The following PDS5A variants were observed in gnomAD, a reference collection of about 807,000 sequenced individuals.
PDS5A encodes the protein sister chromatid cohesion protein PDS5 homolog A.
In PDS5A, 42 loss-of-function variants were observed where a neutral mutation model predicts 167.1. The ratio of observed to expected loss-of-function variants is 0.25; its 90% confidence interval spans 0.20 to 0.33. The LOEUF is 0.33. Ranked by LOEUF, PDS5A falls within the 10% of genes least tolerant of loss-of-function variation. PDS5A has a pLI of 1.00. For synonymous variants in PDS5A, 553 were observed against 554.6 expected, an observed-to-expected ratio of 1.00 and a Z score of 0.04; for missense variants, 1,033 against 1,605.9, an observed-to-expected ratio of 0.64 and a Z score of 6.10.
Position 39,858,340 on chromosome 4 carries a change from G to C in PDS5A, c.3086+3879C>G, listed in dbSNP as rs1012541661. On this transcript the variant is annotated intron_variant, in intron 26 of 32. Coordinates refer to ENST00000303538, the MANE Select transcript of PDS5A (RefSeq NM_001100399.2). ...TTATTATAAAGTTACAGTAATGACA[G>C]AGTTACATGGCATAAGGCCAGACAT... Among the ~76,000 whole-genome samples the C allele has an allele frequency of 2.0e-5, 3 of 152,214 alleles. No homozygotes were observed. In the East Asian group the frequency reaches 5.8e-4, roughly 29 times the overall value.
At chr4:39,923,745 AC>A (rs1725227758) in intron 5 of PDS5A, among the ~76,000 whole-genome samples, 2 of 152,106 alleles carry the variant, frequency 1.3e-5, no homozygotes, top group African/African-American at 4.8e-5. Context: ...TTTTAAGGAA[AC>A]AAACAAAAAA....
intron 2 of PDS5A, among the ~76,000 whole-genome samples, chr4:39,938,216 G>A (rs1459745219): frequency 2.0e-5 from 3 of 152,164 alleles, no homozygotes; most frequent in Admixed American, 1.3e-4. Flanking sequence ...GGAGGGGGCT[G>A]CCCAGTTTGT....
chr4:39,953,286 G>A (rs1728586199), intron 2 of PDS5A, among the ~76,000 whole-genome samples: 2 of 152,138 alleles, frequency 1.3e-5, no homozygotes, highest in Non-Finnish European at 2.9e-5. Flanking sequence ...CAGTTTCACC[G>A]TGGCTGGGGT....
chr4:39,874,642 A>G (rs1414668899), intron 19 of PDS5A, among the ~76,000 whole-genome samples: 1 of 152,214 alleles, frequency 6.6e-6, no homozygotes, highest in Non-Finnish European at 1.5e-5. Context: ...TTTTTATTTT[A>G]AAGTTACCTC....
intron 4 of PDS5A, among the ~76,000 whole-genome samples, chr4:39,926,336 T>G (rs1193361590): frequency 6.6e-6 from 1 of 152,012 alleles, no homozygotes; most frequent in African/African-American, 2.4e-5. Context: ...AGCCTCAACA[T>G]GGAGAAACCC....
At chr4:39,972,794 T>C (rs1296032247) in intron 2 of PDS5A, among the ~76,000 whole-genome samples, 2 of 152,110 alleles carry the variant, frequency 1.3e-5, no homozygotes, top group Non-Finnish European at 2.9e-5. Context: ...TATTTTGAGC[T>C]ATTCCACAGT....
At chr4:39,889,037 T>C (rs1029057879) in intron 17 of PDS5A, among the ~76,000 whole-genome samples, 2 of 152,230 alleles carry the variant, frequency 1.3e-5, no homozygotes, top group African/African-American at 4.8e-5. Flanking sequence ...GGCTGACATG[T>C]GTTTCTCCCA....
In PDS5A at chr4:39,920,606, C is replaced by T. The variant is rs1177232726; in HGVS notation, c.655-207G>A. Reference sequence around the variant, plus strand: ...GATCTTAAATGCAGACGTTGCAAATCGAACTAATTTATTAATCAAAAACTA... The same window carrying T: ...GATCTTAAATGCAGACGTTGCAAATTGAACTAATTTATTAATCAAAAACTA... On this transcript the variant is annotated intron_variant, in intron 6 of 32. Transcript: ENST00000303538. 9.9e-5 allele frequency among the ~76,000 whole-genome samples: 15 copies of T among 152,132 alleles called. No homozygotes were observed. The East Asian group carries it at 1.5e-3, about 16-fold the overall frequency.
Position 39,823,109 on chromosome 4 carries a change from A to T in PDS5A, c.*2376T>A, listed in dbSNP as rs978437525. The T allele has an allele frequency of 6.6e-6, 1 of 152,642 alleles. No individual in the cohort carries two copies. Among genetic ancestry groups the T allele is most frequent in the African/African-American group, 2.4e-5 (1 of 41,458 alleles). 9.5% of individuals were successfully genotyped at this position (152,642 alleles called of 1,614,324 possible). On this transcript the variant is annotated 3_prime_UTR_variant, in exon 33 of 33. Coordinates refer to ENST00000303538, the MANE Select transcript of PDS5A (RefSeq NM_001100399.2). ...ACAAATACAAGAAGCTTCAAACTAG[A>T]CACAAAGGGTTAACATTAATTCTCA... is the stretch of plus-strand genomic sequence containing the variant.
chr4:39,890,824 C>T (rs950795880), intron 16 of PDS5A, among the ~76,000 whole-genome samples: 1 of 151,988 alleles, frequency 6.6e-6, no homozygotes, highest in African/African-American at 2.4e-5. Context: ...ACCATGTTGG[C>T]CAGGCTGGTC....
intron 19 of PDS5A, among the ~76,000 whole-genome samples, chr4:39,875,413 G>T (rs2109579888): frequency 6.6e-6 from 1 of 152,148 alleles, no homozygotes; most frequent in East Asian, 1.9e-4. Flanking sequence ...GAATAAAATT[G>T]ATAAAACGAA....
At chr4:39,974,257 T>C in intron 2 of PDS5A, 1 of 552,888 alleles carries the variant, frequency 1.8e-6, no homozygotes, top group South Asian at 1.4e-5. Flanking sequence ...AAGCTGCTCC[T>C]ATACCACCAC....
chr4:39,838,476 C>T (rs968052573), intron 31 of PDS5A, among the ~76,000 whole-genome samples: 15 of 152,294 alleles, frequency 9.8e-5, no homozygotes, highest in African/African-American at 3.6e-4. Flanking sequence ...AATCGCAGCA[C>T]TTTAGGAGGC....
At chr4:39,945,027 T>C (rs1464726727) in intron 2 of PDS5A, among the ~76,000 whole-genome samples, 3 of 152,214 alleles carry the variant, frequency 2.0e-5, no homozygotes, top group East Asian at 3.8e-4. Context: ...GTTCCTGCTA[T>C]GCGTCAGGTA....
intron 2 of PDS5A, among the ~76,000 whole-genome samples, chr4:39,948,621 A>AT (rs55951253): frequency 0.019 from 2,134 of 110,912 alleles, 43 homozygotes; most frequent in African/African-American, 0.059. Flanking sequence ...CCACGCCTGG[A>AT]TTTTTTTTTT....
At chr4:39,907,986 C>T (rs945718148) in intron 11 of PDS5A, among the ~76,000 whole-genome samples, 3 of 152,164 alleles carry the variant, frequency 2.0e-5, no homozygotes, top group Non-Finnish European at 4.4e-5. Flanking sequence ...AATATGTAAA[C>T]GTCACTTTCT....
At chr4:39,893,328 C>T (rs1397502594) in intron 16 of PDS5A, among the ~76,000 whole-genome samples, 7 of 152,166 alleles carry the variant, frequency 4.6e-5, no homozygotes, top group Non-Finnish European at 8.8e-5. Context: ...ATATCCCCCA[C>T]CCCACACACA....
chr4:39,838,985 T>C (rs2109486781), intron 31 of PDS5A, among the ~76,000 whole-genome samples: 1 of 151,990 alleles, frequency 6.6e-6, no homozygotes, highest in Admixed American at 6.6e-5. Context: ...CAAAACTCTG[T>C]CTTGGGGGGA....
At chr4:39,842,937 A>ATATT (rs1433177642) in intron 30 of PDS5A, among the ~76,000 whole-genome samples, 70 of 139,746 alleles carry the variant, frequency 5.0e-4, no homozygotes, top group African/African-American at 1.7e-3. Flanking sequence ...ATATATATAT[A>ATATT]TTTTAAGAGA....
Sources: gnomAD v4.1 joint callset for allele counts (sites outside exome capture counted in the v4.1 genomes callset) on GRCh38, gnomAD v4.1.1 for gene constraint, MANE v1.5 for transcripts, NCBI Gene and HGNC (gene_info 2026-07-23, HGNC 2026-07-21) for gene names.